KCTD8: variants seen among roughly 807,000 people sequenced by gnomAD.
KCTD8 encodes the protein potassium channel tetramerization domain containing 8, also known as BTB/POZ domain-containing protein KCTD8.
KCTD8 carries 27 observed loss-of-function variants against 31.5 expected under a neutral mutation model. The ratio of observed to expected loss-of-function variants is 0.86; its 90% CI spans 0.63 to 1.18. The LOEUF (loss-of-function observed/expected upper bound fraction) is 1.18. Among genes scored for constraint, KCTD8 ranks in the 50% most tolerant of loss-of-function variants. The pLI, the probability that KCTD8 is intolerant of heterozygous loss-of-function variation, is 0.00. For missense variants in KCTD8, 658 were observed against 647.7 expected (o/e 1.02, Z -0.17); for synonymous variants, 290 against 280.0 (o/e 1.04, Z -0.36).
chr4:44,277,368 C>T (rs17538779), intron 1 of KCTD8, among the ~76,000 whole-genome samples: 5,016 of 151,736 alleles, frequency 0.033, 114 homozygotes, highest in Middle Eastern at 0.058. Context: ...TCTTATTTTT[C>T]GCTTATCTAG....
chr4:44,236,715 T>C (rs556348167), intron 1 of KCTD8, among the ~76,000 whole-genome samples: 2 of 152,278 alleles, frequency 1.3e-5, no homozygotes, highest in South Asian at 4.1e-4. Flanking sequence ...GACTCTGGTA[T>C]TGAGAAGATA....
At position 44,182,303 on chromosome 4, in the gene KCTD8, T is replaced by C. The variant is rs559709355; in HGVS notation, c.962-7053A>G. Reference sequence around the variant, plus strand: ...TCTGGGCAGTGTACCCAACAGCTCATTGAGAACGGGCCATGATGAAGATGG... The same window carrying C: ...TCTGGGCAGTGTACCCAACAGCTCACTGAGAACGGGCCATGATGAAGATGG... On this transcript the variant is annotated intron_variant, in intron 1 of 1. Coordinates refer to ENST00000360029, the MANE Select transcript of KCTD8 (RefSeq NM_198353.3). Among the ~76,000 whole-genome samples the C allele has an allele frequency of 7.9e-5, 12 of 152,302 alleles. No homozygotes were observed. In the East Asian group the frequency reaches 1.7e-3, roughly 22 times the overall value.
At chr4:44,318,496 A>G (rs1163469902) in intron 1 of KCTD8, among the ~76,000 whole-genome samples, 4 of 152,202 alleles carry the variant, frequency 2.6e-5, no homozygotes, top group African/African-American at 9.7e-5. Context: ...CTTAAAAAAA[A>G]TGTTTTACTA....
intron 1 of KCTD8, among the ~76,000 whole-genome samples, chr4:44,227,679 A>G (rs1209164461): frequency 6.6e-6 from 1 of 152,180 alleles, no homozygotes; most frequent in Non-Finnish European, 1.5e-5. Context: ...TCATAAAAAT[A>G]CCATTTAGAA....
intron 1 of KCTD8, among the ~76,000 whole-genome samples, chr4:44,429,244 C>T (rs776962502): frequency 6.6e-6 from 1 of 151,712 alleles, no homozygotes; most frequent in Non-Finnish European, 1.5e-5. Flanking sequence ...GACATTGGTC[C>T]ACGCTTTTGT....
At chr4:44,239,803 C>T (rs1044129752) in intron 1 of KCTD8, among the ~76,000 whole-genome samples, 1 of 152,296 alleles carries the variant, frequency 6.6e-6, no homozygotes. Flanking sequence ...TCTCTTCTTG[C>T]CCAATGCAAT....
chr4:44,293,703 C>T (rs566113825), intron 1 of KCTD8: 12 of 409,094 alleles, frequency 2.9e-5, no homozygotes, highest in Non-Finnish European at 4.8e-5. Context: ...TTTTTAAAAC[C>T]CAAGAACCTT....
At chr4:44,188,231 T>A (rs1035230275) in intron 1 of KCTD8, among the ~76,000 whole-genome samples, 22 of 152,140 alleles carry the variant, frequency 1.4e-4, no homozygotes. Context: ...CACTTTGAAA[T>A]TTATAAAAGT....
intron 1 of KCTD8, among the ~76,000 whole-genome samples, chr4:44,327,718 C>T (rs1024429885): frequency 6.6e-6 from 1 of 151,630 alleles, no homozygotes; most frequent in Non-Finnish European, 1.5e-5. Flanking sequence ...CCAGATTTTC[C>T]ACCATCTAGC....
chr4:44,369,924 C>T (rs1208019718), intron 1 of KCTD8, among the ~76,000 whole-genome samples: 1 of 152,114 alleles, frequency 6.6e-6, no homozygotes, highest in Non-Finnish European at 1.5e-5. Context: ...CAATATCATA[C>T]TTATTGGCTA....
intron 1 of KCTD8, among the ~76,000 whole-genome samples, chr4:44,179,852 G>A (rs1298871249): frequency 1.3e-5 from 2 of 152,098 alleles, no homozygotes; most frequent in African/African-American, 4.8e-5. Context: ...TGATTTAGCT[G>A]CTTTTTATGA....
chr4:44,437,159 G>T (rs564565447), intron 1 of KCTD8, among the ~76,000 whole-genome samples: 17 of 151,906 alleles, frequency 1.1e-4, no homozygotes, highest in Admixed American at 7.9e-4. Context: ...CTGCAAGTTG[G>T]AAAATGAGCT....
At chr4:44,353,795 C>T (rs1032963991) in intron 1 of KCTD8, among the ~76,000 whole-genome samples, 1 of 152,064 alleles carries the variant, frequency 6.6e-6, no homozygotes, top group African/African-American at 2.4e-5. Context: ...GACCTTTTCA[C>T]CTTTCCAAAG....
At chr4:44,329,426 A>G (rs768545954) in intron 1 of KCTD8, among the ~76,000 whole-genome samples, 1 of 151,986 alleles carries the variant, frequency 6.6e-6, no homozygotes, top group Non-Finnish European at 1.5e-5. Context: ...ACATTTCCTA[A>G]TAAGTTTGTA....
intron 1 of KCTD8, among the ~76,000 whole-genome samples, chr4:44,181,527 C>T (rs995514088): frequency 1.3e-5 from 2 of 152,204 alleles, no homozygotes; most frequent in Admixed American, 6.5e-5. Context: ...GGATTGCAGA[C>T]GGAGTCTCCT....
intron 1 of KCTD8, among the ~76,000 whole-genome samples, chr4:44,404,699 A>G (rs1053158178): frequency 6.6e-6 from 1 of 152,178 alleles, no homozygotes; most frequent in African/African-American, 2.4e-5. Context: ...CAGAAAAATT[A>G]GGTGTTTAAT....
At chr4:44,295,250 T>A (rs1417536668) in intron 1 of KCTD8, among the ~76,000 whole-genome samples, 1 of 152,186 alleles carries the variant, frequency 6.6e-6, no homozygotes. Context: ...GAGCTATGAC[T>A]GTGCCACTGC....
chr4:44,287,513 T>C (rs1717128436), intron 1 of KCTD8, among the ~76,000 whole-genome samples: 1 of 152,148 alleles, frequency 6.6e-6, no homozygotes, highest in Non-Finnish European at 1.5e-5. Flanking sequence ...GAAAAGGAAA[T>C]TTATCTATCT....
chr4:44,278,619 T>C (rs1237949439), intron 1 of KCTD8, among the ~76,000 whole-genome samples: 13 of 152,082 alleles, frequency 8.5e-5, no homozygotes, highest in Admixed American at 8.5e-4. Flanking sequence ...AGACATACTT[T>C]AAAATTTTGT....
Sources: allele counts gnomAD v4.1 joint callset (sites outside exome capture counted in the v4.1 genomes callset), GRCh38; gene constraint gnomAD v4.1.1; transcripts MANE v1.5; gene names NCBI Gene and HGNC (gene_info 2026-07-23, HGNC 2026-07-21).